TSPAN9: variants seen among roughly 807,000 people sequenced by gnomAD.
The protein encoded by TSPAN9 is tetraspanin 9.
TSPAN9 carries 16 observed loss-of-function variants against 31.0 expected under a neutral mutation model. The observed-to-expected ratio is 0.52, with a 90% CI of 0.35 to 0.78. TSPAN9 has a LOEUF of 0.78. TSPAN9 is among the 30% of genes least tolerant of loss of function. TSPAN9 has a pLI of 0.01. For missense variants in TSPAN9, 272 were observed against 312.5 expected (o/e 0.87, Z 0.98); for synonymous variants, 145 against 121.6 (o/e 1.19, Z -1.27).
At chr12:3,150,578 A>G (rs1479248159) in intron 2 of TSPAN9, among the ~76,000 whole-genome samples, 1 of 152,186 alleles carries the variant, frequency 6.6e-6, no homozygotes, top group Non-Finnish European at 1.5e-5. Flanking sequence ...TGGTTGGCCC[A>G]TGCTAGGTGC....
At chr12:3,233,915 A>C (rs189543529) in intron 3 of TSPAN9, among the ~76,000 whole-genome samples, 2 of 152,142 alleles carry the variant, frequency 1.3e-5, no homozygotes, top group African/African-American at 2.4e-5. Context: ...TCTGCAGGGA[A>C]TATTTCCCAA....
chr12:3,119,641 C>T (rs1202431497), intron 2 of TSPAN9, among the ~76,000 whole-genome samples: 1 of 152,178 alleles, frequency 6.6e-6, no homozygotes, highest in Non-Finnish European at 1.5e-5. Flanking sequence ...GTGAATGCAC[C>T]CCCGCTCCTC....
chr12:3,166,052 C>T (rs559228598), intron 2 of TSPAN9, among the ~76,000 whole-genome samples: 1 of 152,272 alleles, frequency 6.6e-6, no homozygotes, highest in South Asian at 2.1e-4. Context: ...ATGTTACTCT[C>T]TAAACGCTCT....
At chr12:3,186,901 G>T (rs949883081) in intron 2 of TSPAN9, among the ~76,000 whole-genome samples, 2 of 152,110 alleles carry the variant, frequency 1.3e-5, no homozygotes, top group African/African-American at 4.8e-5. Flanking sequence ...GAGGGAGATG[G>T]GTTTGTTACA....
At chr12:3,228,556 G>A (rs984784526) in intron 3 of TSPAN9, among the ~76,000 whole-genome samples, 2 of 152,170 alleles carry the variant, frequency 1.3e-5, no homozygotes, top group African/African-American at 4.8e-5. Flanking sequence ...GGATGAAAAA[G>A]GCCCCACTAT....
chr12:3,203,056 T>C (rs2098372854), intron 3 of TSPAN9, among the ~76,000 whole-genome samples: 1 of 152,142 alleles, frequency 6.6e-6, no homozygotes. Context: ...CAACTTACCT[T>C]TTTGTTTTGT....
intron 2 of TSPAN9, among the ~76,000 whole-genome samples, chr12:3,139,851 G>C (rs1026556752): frequency 6.6e-6 from 1 of 152,182 alleles, no homozygotes; most frequent in Non-Finnish European, 1.5e-5. Context: ...CCTGGCCTCA[G>C]ATAGCTTTTA....
chr12:3,130,210 G>A (rs560125680), intron 2 of TSPAN9, among the ~76,000 whole-genome samples: 10 of 152,324 alleles, frequency 6.6e-5, no homozygotes, highest in African/African-American at 2.2e-4. Flanking sequence ...CAGTGCCAGC[G>A]CACTGGCAGG....
intron 2 of TSPAN9, among the ~76,000 whole-genome samples, chr12:3,151,773 A>G (rs1399378910): frequency 6.6e-6 from 1 of 152,110 alleles, no homozygotes; most frequent in Non-Finnish European, 1.5e-5. Flanking sequence ...TCTTAAAAAC[A>G]AAACAAAACA....
chr12:3,189,298 A>G (rs923772118), intron 2 of TSPAN9, among the ~76,000 whole-genome samples: 2 of 152,188 alleles, frequency 1.3e-5, no homozygotes, highest in Admixed American at 1.3e-4. Flanking sequence ...CTGGAAGCAG[A>G]GGGCACAGCT....
chr12:3,269,799 G>A (rs910871650), intron 3 of TSPAN9, among the ~76,000 whole-genome samples: 2 of 152,186 alleles, frequency 1.3e-5, no homozygotes, highest in African/African-American at 2.4e-5. Flanking sequence ...GCACCCACCC[G>A]CACCCCCTCT....
intron 3 of TSPAN9, among the ~76,000 whole-genome samples, chr12:3,243,316 C>T (rs1361426033): frequency 2.6e-5 from 4 of 152,136 alleles, no homozygotes; most frequent in African/African-American, 9.7e-5. Flanking sequence ...GGGCACGGAG[C>T]TGGGTGCTTT....
intron 2 of TSPAN9, among the ~76,000 whole-genome samples, chr12:3,177,906 G>A (rs1272553126): frequency 1.3e-5 from 2 of 152,128 alleles, no homozygotes; most frequent in Non-Finnish European, 1.5e-5. Context: ...CAGTGTCCTC[G>A]TCCGCCAGGG....
At chr12:3,208,737 A>G (rs1454369143) in intron 3 of TSPAN9, among the ~76,000 whole-genome samples, 2 of 152,200 alleles carry the variant, frequency 1.3e-5, no homozygotes, top group African/African-American at 4.8e-5. Flanking sequence ...ACGCCTGCCC[A>G]CTTAGAAGCC....
intron 2 of TSPAN9, among the ~76,000 whole-genome samples, chr12:3,181,279 C>T (rs543902895): frequency 1.3e-5 from 2 of 152,276 alleles, no homozygotes; most frequent in Non-Finnish European, 2.9e-5. Flanking sequence ...GGCACGGAAT[C>T]GGGCCCTGGA....
At chr12:3,151,521 C>G (rs1419850886) in intron 2 of TSPAN9, 1 of 152,116 alleles carries the variant, frequency 6.6e-6, no homozygotes, top group Non-Finnish European at 1.5e-5. Context: ...CCAGCCTTGC[C>G]CTCCCACCTC....
intron 3 of TSPAN9, among the ~76,000 whole-genome samples, chr12:3,218,326 A>C (rs2098382452): frequency 6.6e-6 from 1 of 152,216 alleles, no homozygotes; most frequent in African/African-American, 2.4e-5. Context: ...CAGGGAGGAA[A>C]GAGGAGGAGG....
intron 3 of TSPAN9, among the ~76,000 whole-genome samples, chr12:3,227,967 G>A (rs2098388750): frequency 6.6e-6 from 1 of 152,144 alleles, no homozygotes; most frequent in Admixed American, 6.5e-5. Context: ...GGTCCTTGTG[G>A]TCCTTTTCAA....
At chr12:3,181,404 ATGATAGGAC>A (rs1382063853) in intron 2 of TSPAN9, among the ~76,000 whole-genome samples, 21 of 152,292 alleles carry the variant, frequency 1.4e-4, no homozygotes, top group African/African-American at 4.3e-4. Context: ...GGATTTGAAT[ATGATAGGAC>A]TGATTTGACC....
Sources: allele counts gnomAD v4.1 joint callset (sites outside exome capture counted in the v4.1 genomes callset), GRCh38; gene constraint gnomAD v4.1.1; transcripts MANE v1.5; gene names NCBI Gene and HGNC (gene_info 2026-07-23, HGNC 2026-07-21).